ELP4: variants seen among roughly 807,000 people sequenced by gnomAD.
The protein encoded by ELP4 is elongator acetyltransferase complex subunit 4.
ELP4 carries 51 observed loss-of-function variants against 48.9 expected under a neutral mutation model. The ratio of observed to expected loss-of-function variants is 1.04; its 90% CI spans 0.83 to 1.32. ELP4 has a LOEUF of 1.32. Among genes scored for constraint, ELP4 ranks in the 40% most tolerant of loss-of-function variants. The pLI is 0.00. For synonymous variants in ELP4, 210 were observed against 189.2 expected (o/e 1.11, Z -0.90); for missense variants, 519 against 514.6 (o/e 1.01, Z -0.08).
intron 3 of ELP4, among the ~76,000 whole-genome samples, chr11:31,563,716 A>G (rs779453141): frequency 2.0e-5 from 3 of 152,304 alleles, no homozygotes; most frequent in Non-Finnish European, 2.9e-5. Flanking sequence ...TGTCATCTGT[A>G]TAGAACTTAT....
In ELP4 at chr11:31,539,697, T is replaced by C; in HGVS notation, c.295T>C (p.Phe99Leu). Residue 99 changes from phenylalanine (F) to leucine (L), a missense_variant, in exon 3 of 10, where the codon TTC becomes CTC. By Grantham distance (22) the Phe-to-Leu change is conservative. Transcript: ENST00000640961. ...DKYNIYSPLL[F>L]KYFLAEGIVN... ...ATATAATATTTACTCACCTTTGCTC[T>C]TCAAGTATTTCCTGGCAGAAGGAAT... is the stretch of plus-strand genomic sequence containing the variant. 2 of 1,610,366 alleles carry C rather than the reference T, an allele frequency of 1.2e-6. No homozygotes were observed. Among genetic ancestry groups the C allele is most frequent in the Non-Finnish European group, 1.7e-6 (2 of 1,178,184 alleles).
At chr11:31,590,250 A>G (rs1315829401) in intron 3 of ELP4, among the ~76,000 whole-genome samples, 2 of 152,152 alleles carry the variant, frequency 1.3e-5, no homozygotes, top group South Asian at 2.1e-4. Flanking sequence ...TACTATATAT[A>G]TATATGTACT....
chr11:31,572,007 T>C (rs1341401261), intron 3 of ELP4, among the ~76,000 whole-genome samples: 1 of 152,220 alleles, frequency 6.6e-6, no homozygotes. Flanking sequence ...ATCAACTGCA[T>C]TAGCCCCTAA....
At chr11:31,544,732 G>A (rs1421294113) in intron 3 of ELP4, among the ~76,000 whole-genome samples, 2 of 152,204 alleles carry the variant, frequency 1.3e-5, no homozygotes, top group East Asian at 3.9e-4. Flanking sequence ...CCCCTGAGCA[G>A]CCTAACTGGG....
At chr11:31,729,559 T>G (rs1489911654) in intron 9 of ELP4, among the ~76,000 whole-genome samples, 12 of 152,200 alleles carry the variant, frequency 7.9e-5, no homozygotes, top group African/African-American at 2.9e-4. Context: ...TCTAACACCC[T>G]TTTGTTTGGT....
At chr11:31,588,011 G>A (rs1368211268) in intron 3 of ELP4, among the ~76,000 whole-genome samples, 4 of 151,940 alleles carry the variant, frequency 2.6e-5, no homozygotes, top group African/African-American at 4.8e-5. Context: ...AAAATTTGAC[G>A]TATTTCTTTC....
intron 3 of ELP4, among the ~76,000 whole-genome samples, chr11:31,564,166 G>C (rs922141953): frequency 1.3e-5 from 2 of 152,032 alleles, no homozygotes; most frequent in Non-Finnish European, 2.9e-5. Flanking sequence ...ATATAATAAT[G>C]TATTGAATAC....
chr11:31,522,295 G>A (rs1956226490), intron 2 of ELP4, among the ~76,000 whole-genome samples: 1 of 152,154 alleles, frequency 6.6e-6, no homozygotes, highest in African/African-American at 2.4e-5. Flanking sequence ...ACAAAACGGT[G>A]TGTAAAGAAA....
chr11:31,516,308 A>C (rs1310773198), intron 1 of ELP4, among the ~76,000 whole-genome samples: 1 of 152,230 alleles, frequency 6.6e-6, no homozygotes, highest in Non-Finnish European at 1.5e-5. Context: ...TTGTATGCTT[A>C]TATCAATTCA....
chr11:31,752,996 C>A (rs1214811853), intron 9 of ELP4, among the ~76,000 whole-genome samples: 1 of 152,110 alleles, frequency 6.6e-6, no homozygotes, highest in African/African-American at 2.4e-5. Flanking sequence ...GTCTATATTA[C>A]GGTTTACTCA....
intron 9 of ELP4, among the ~76,000 whole-genome samples, chr11:31,691,358 C>T (rs1454544551): frequency 6.6e-6 from 1 of 151,986 alleles, no homozygotes; most frequent in Non-Finnish European, 1.5e-5. Flanking sequence ...ATAAGCTGCT[C>T]ACTTAGATAT....
At chr11:31,539,065 T>C (rs1956551000) in intron 2 of ELP4, among the ~76,000 whole-genome samples, 1 of 152,198 alleles carries the variant, frequency 6.6e-6, no homozygotes, top group South Asian at 2.1e-4. Flanking sequence ...ACTAGTGAAG[T>C]TCCCTATACC....
intron 8 of ELP4, chr11:31,649,056 T>C (rs1422697187): frequency 6.6e-6 from 1 of 151,742 alleles, no homozygotes; most frequent in East Asian, 1.9e-4. Flanking sequence ...AAAGCTGTCT[T>C]CTTGAAACAC....
chr11:31,598,197 G>T (rs537362920), intron 4 of ELP4, among the ~76,000 whole-genome samples: 18 of 151,920 alleles, frequency 1.2e-4, no homozygotes, highest in South Asian at 4.2e-4. Context: ...CTCGTGATCC[G>T]CCGACCTCGG....
intron 3 of ELP4, among the ~76,000 whole-genome samples, chr11:31,569,516 C>T (rs572408983): frequency 5.9e-5 from 9 of 152,098 alleles, no homozygotes; most frequent in Non-Finnish European, 8.8e-5. Context: ...TTTGGGAGGC[C>T]GAGGTGAGTG....
chr11:31,597,020 A>G (rs11031423), intron 4 of ELP4, among the ~76,000 whole-genome samples: 14,203 of 152,228 alleles, frequency 0.093, 889 homozygotes, highest in East Asian at 0.22. Context: ...GGATGGGGGA[A>G]GCTGATACTC....
intron 4 of ELP4, among the ~76,000 whole-genome samples, chr11:31,596,727 A>G (rs1363531697): frequency 1.3e-5 from 2 of 152,214 alleles, no homozygotes; most frequent in Non-Finnish European, 2.9e-5. Flanking sequence ...ATGACTGTGA[A>G]CAAACTACAA....
chr11:31,722,824 G>T (rs1387786720), intron 9 of ELP4, among the ~76,000 whole-genome samples: 9 of 152,112 alleles, frequency 5.9e-5, no homozygotes, highest in African/African-American at 2.2e-4. Flanking sequence ...GACTTCACAG[G>T]ACCCTGTGGG....
At chr11:31,693,092 G>A (rs1045419027) in intron 9 of ELP4, among the ~76,000 whole-genome samples, 3 of 152,108 alleles carry the variant, frequency 2.0e-5, no homozygotes, top group Non-Finnish European at 2.9e-5. Flanking sequence ...AGCAAGGGAC[G>A]TAGACTCTCC....
Sources: gnomAD v4.1 joint callset for allele counts (sites outside exome capture counted in the v4.1 genomes callset) on GRCh38, gnomAD v4.1.1 for gene constraint, MANE v1.5 for transcripts, NCBI Gene and HGNC (gene_info 2026-07-23, HGNC 2026-07-21) for gene names.